The following NRXN3 variants were observed in gnomAD, a reference collection of about 807,000 sequenced individuals.
NRXN3 encodes neurexin 3, also known as neurexin III.
NRXN3 carries 32 observed loss-of-function variants against 137.6 expected under a neutral mutation model. The observed-to-expected ratio is 0.23, with a 90% CI of 0.18 to 0.31. The LOEUF (loss-of-function observed/expected upper bound fraction) is 0.31, where lower values mean the gene tolerates loss of function less well. NRXN3 is among the 10% of genes least tolerant of loss of function. The pLI is 1.00. For synonymous variants in NRXN3, 798 were observed against 784.5 expected, an observed-to-expected ratio of 1.02 and a Z score of -0.29; for missense variants, 1,574 against 2,062.5, an observed-to-expected ratio of 0.76 and a Z score of 4.59.
chr14:79,559,210 T>C (rs916683255), intron 16 of NRXN3, among the ~76,000 whole-genome samples: 3 of 152,194 alleles, frequency 2.0e-5, no homozygotes, highest in Non-Finnish European at 4.4e-5. Flanking sequence ...AAGAACTTTT[T>C]CTTTGCATCC....
intron 20 of NRXN3, among the ~76,000 whole-genome samples, chr14:79,849,506 G>C (rs1295176709): frequency 6.6e-6 from 1 of 152,146 alleles, no homozygotes; most frequent in Non-Finnish European, 1.5e-5. Context: ...GTGAAAAGAT[G>C]CTTAGCATAA....
chr14:78,790,230 T>G (rs1024700367), intron 8 of NRXN3, among the ~76,000 whole-genome samples: 9 of 152,200 alleles, frequency 5.9e-5, no homozygotes, highest in African/African-American at 2.2e-4. Flanking sequence ...CTCTATTCCA[T>G]TTTTTTCTCT....
chr14:78,649,822 A>G (rs1424015963), intron 5 of NRXN3, among the ~76,000 whole-genome samples: 1 of 150,830 alleles, frequency 6.6e-6, no homozygotes, highest in Non-Finnish European at 1.5e-5. Flanking sequence ...CACTTCCTAG[A>G]CTCTTTCTTA....
At chr14:79,731,580 C>T (rs1276567752) in intron 19 of NRXN3, among the ~76,000 whole-genome samples, 1 of 151,692 alleles carries the variant, frequency 6.6e-6, no homozygotes, top group African/African-American at 2.4e-5. Context: ...AATCTGAACT[C>T]ATTAAATATT....
intron 4 of NRXN3, among the ~76,000 whole-genome samples, chr14:78,476,338 G>A (rs1332487414): frequency 6.6e-6 from 1 of 152,170 alleles, no homozygotes; most frequent in African/African-American, 2.4e-5. Flanking sequence ...TTGGTTGAGG[G>A]AATTCCTCTC....
intron 15 of NRXN3, among the ~76,000 whole-genome samples, chr14:79,123,779 GA>G (rs2055899623): frequency 6.6e-6 from 1 of 152,160 alleles, no homozygotes; most frequent in African/African-American, 2.4e-5. Flanking sequence ...CTTAAAGTGG[GA>G]GTACTGTATA....
intron 6 of NRXN3, among the ~76,000 whole-genome samples, chr14:78,653,710 T>TACACACACACACACAG (rs2097764314): frequency 7.0e-6 from 1 of 142,910 alleles, no homozygotes; most frequent in Non-Finnish European, 1.5e-5. Flanking sequence ...GAAAATAAAA[T>TACACACACACACACAG]ACACACACAC....
intron 15 of NRXN3, among the ~76,000 whole-genome samples, chr14:79,329,927 G>A (rs1010142887): frequency 6.6e-6 from 1 of 150,878 alleles, no homozygotes; most frequent in East Asian, 2.0e-4. Flanking sequence ...TGCAACCTCT[G>A]CATCCTGGGT....
chr14:78,526,681 G>A, intron 4 of NRXN3: 1 of 496,384 alleles, frequency 2.0e-6, no homozygotes, highest in African/African-American at 1.9e-5. Context: ...TGTGCACCGT[G>A]CACTAGGGTA....
In NRXN3 at chr14:79,480,613, A is replaced by C. The variant is rs2153637136; in HGVS notation, c.3444+13211A>C. Among the ~76,000 whole-genome samples, 2 of 152,288 alleles carry C rather than the reference A, an allele frequency of 1.3e-5. 1 individual carries two copies. Among genetic ancestry groups the C allele is most frequent in the South Asian group, 4.1e-4 (2 of 4,830 alleles). ...ATTAGCCAGGCCAGCAGAAATGAGT[A>C]ACCTAATGTTATGGCTTGGATCCGT... On this transcript the variant is annotated intron_variant, in intron 16 of 20. Coordinates refer to ENST00000335750, the MANE Select transcript of NRXN3 (RefSeq NM_001330195.2).
intron 2 of NRXN3, among the ~76,000 whole-genome samples, chr14:78,258,982 A>C (rs2070175962): frequency 6.6e-6 from 1 of 152,042 alleles, no homozygotes; most frequent in South Asian, 2.1e-4. Flanking sequence ...AACACAAAAA[A>C]TTAGCTGGGC....
chr14:78,901,808 C>T (rs1408822774), intron 10 of NRXN3, among the ~76,000 whole-genome samples: 1 of 152,034 alleles, frequency 6.6e-6, no homozygotes, highest in Non-Finnish European at 1.5e-5. Flanking sequence ...TGCCTCTTAG[C>T]TCCAGTTAAT....
intron 10 of NRXN3, among the ~76,000 whole-genome samples, chr14:78,919,402 C>T (rs1317895567): frequency 6.6e-6 from 1 of 152,008 alleles, no homozygotes; most frequent in Non-Finnish European, 1.5e-5. Context: ...TATCTATTTT[C>T]CAAGGAAAGA....
chr14:79,625,448 T>G (rs1567701254), intron 16 of NRXN3, among the ~76,000 whole-genome samples: 1 of 152,158 alleles, frequency 6.6e-6, no homozygotes, highest in Non-Finnish European at 1.5e-5. Context: ...GGGTGCTTAT[T>G]TCATTTCCTC....
intron 15 of NRXN3, among the ~76,000 whole-genome samples, chr14:79,291,373 C>A (rs1225945625): frequency 6.6e-6 from 1 of 151,806 alleles, no homozygotes; most frequent in Non-Finnish European, 1.5e-5. Flanking sequence ...GTTGTTTTCC[C>A]ATTTTTTAAG....
intron 4 of NRXN3, chr14:78,615,006 C>T: frequency 2.2e-6 from 1 of 456,644 alleles, no homozygotes; most frequent in Non-Finnish European, 4.4e-6. Flanking sequence ...CACCCCTCTA[C>T]CCACTTCCAC....
intron 15 of NRXN3, among the ~76,000 whole-genome samples, chr14:79,069,206 A>G (rs1423686322): frequency 6.6e-6 from 1 of 152,076 alleles, no homozygotes; most frequent in Non-Finnish European, 1.5e-5. Context: ...GAAACACATG[A>G]GAAGTTTATA....
At chr14:79,740,447 C>A (rs893012579) in intron 19 of NRXN3, among the ~76,000 whole-genome samples, 1 of 151,800 alleles carries the variant, frequency 6.6e-6, no homozygotes, top group Non-Finnish European at 1.5e-5. Context: ...CTTCACAATG[C>A]AGCCTGAGTC....
intron 4 of NRXN3, among the ~76,000 whole-genome samples, chr14:78,516,801 A>G (rs2096214784): frequency 6.6e-6 from 1 of 152,168 alleles, no homozygotes; most frequent in Admixed American, 6.5e-5. Flanking sequence ...AAATAACTAT[A>G]GTTAATGAAT....
Sources: gnomAD v4.1 joint callset for allele counts (sites outside exome capture counted in the v4.1 genomes callset) on GRCh38, gnomAD v4.1.1 for gene constraint, MANE v1.5 for transcripts, NCBI Gene and HGNC (gene_info 2026-07-23, HGNC 2026-07-21) for gene names.